KCNH1: variants seen among roughly 807,000 people sequenced by gnomAD.
KCNH1 encodes potassium voltage-gated channel subfamily H member 1, also known as voltage-gated delayed rectifier potassium channel KCNH1.
A neutral mutation model predicts 69.2 loss-of-function variants in KCNH1; 27 were observed. The observed-to-expected ratio is 0.39, with a 90% CI of 0.29 to 0.54. The LOEUF is 0.54. KCNH1 is among the 20% of genes least tolerant of loss of function. The pLI is 0.68. For missense variants in KCNH1, 798 were observed against 1,261.6 expected, an observed-to-expected ratio of 0.63 and a Z score of 5.57; for synonymous variants, 456 against 487.7, an observed-to-expected ratio of 0.93 and a Z score of 0.86.
chr1:211,041,516 T>C (rs954461805), intron 5 of KCNH1, among the ~76,000 whole-genome samples: 22 of 152,222 alleles, frequency 1.4e-4, no homozygotes, highest in African/African-American at 4.8e-4. Context: ...CACAACAGCA[T>C]GGCAGCAGCT....
chr1:210,712,576 T>C (rs917768360), intron 10 of KCNH1, among the ~76,000 whole-genome samples: 1 of 152,160 alleles, frequency 6.6e-6, no homozygotes, highest in Non-Finnish European at 1.5e-5. Context: ...AGAGTGACTT[T>C]CCTTTAATTT....
chr1:210,863,289 A>G (rs981239613), intron 7 of KCNH1, among the ~76,000 whole-genome samples: 1 of 152,202 alleles, frequency 6.6e-6, no homozygotes, highest in African/African-American at 2.4e-5. Flanking sequence ...GATTACTTTT[A>G]GCTCTGAAAA....
chr1:211,036,061 C>T (rs968655119), intron 5 of KCNH1, among the ~76,000 whole-genome samples: 1 of 152,308 alleles, frequency 6.6e-6, no homozygotes, highest in Admixed American at 6.5e-5. Context: ...GGAAAGAAGG[C>T]TTTAATCGGG....
chr1:211,006,652 A>ATGTTTT (rs1198195272), intron 6 of KCNH1, among the ~76,000 whole-genome samples: 2 of 152,188 alleles, frequency 1.3e-5, no homozygotes, highest in Non-Finnish European at 2.9e-5. Context: ...AATTCATTAA[A>ATGTTTT]AAGCATATTT....
At chr1:210,765,379 A>G (rs1388244797) in intron 10 of KCNH1, among the ~76,000 whole-genome samples, 1 of 152,216 alleles carries the variant, frequency 6.6e-6, no homozygotes, top group Non-Finnish European at 1.5e-5. Context: ...ACCTGCACAC[A>G]TACCCCCAGA....
chr1:210,999,004 A>G (rs1342044484), intron 6 of KCNH1, among the ~76,000 whole-genome samples: 2 of 152,236 alleles, frequency 1.3e-5, no homozygotes, highest in East Asian at 1.9e-4. Context: ...TCTGGGACAC[A>G]TTCAAAGCAG....
chr1:210,886,458 T>C (rs575252596), intron 7 of KCNH1, among the ~76,000 whole-genome samples: 10 of 152,220 alleles, frequency 6.6e-5, no homozygotes, highest in African/African-American at 2.4e-4. Flanking sequence ...GCAAAAAGTC[T>C]GAAAATTCCA....
chr1:210,933,682 A>G (rs1687724569), intron 6 of KCNH1, among the ~76,000 whole-genome samples: 1 of 152,178 alleles, frequency 6.6e-6, no homozygotes, highest in Non-Finnish European at 1.5e-5. Context: ...AGTAAATAAA[A>G]TCAGAAATGA....
At chr1:210,765,681 G>C (rs771910457) in intron 10 of KCNH1, among the ~76,000 whole-genome samples, 18 of 152,128 alleles carry the variant, frequency 1.2e-4, no homozygotes, top group Non-Finnish European at 2.5e-4. Context: ...GGGAAAAGGG[G>C]CTATGAAATA....
At position 210,680,070 on chromosome 1, in the gene KCNH1, T is replaced by A. The variant is rs551349660; in HGVS notation, c.*3211A>T. On this transcript the variant is annotated 3_prime_UTR_variant, in exon 11 of 11. Transcript: ENST00000271751. Reference sequence around the variant, plus strand: ...CTTGTCATGTCCAGTGGAGGAGCCCTTTGTAAGTATATGGGATGGCAGCGC... The same window carrying A: ...CTTGTCATGTCCAGTGGAGGAGCCCATTGTAAGTATATGGGATGGCAGCGC... 1.3e-5 allele frequency: 2 copies of A among 152,206 alleles called. No homozygotes were observed. Among genetic ancestry groups the A allele is most frequent in the Admixed American group, 6.5e-5 (1 of 15,288 alleles). The allele number at this position is 152,206 out of a possible 1,614,324, so 9.4% of individuals were successfully genotyped here.
intron 4 of KCNH1, 70 bp downstream of exon 4, chr1:211,090,492 G>T: frequency 1.4e-6 from 2 of 1,379,640 alleles, no homozygotes; most frequent in Non-Finnish European, 9.9e-7. Flanking sequence ...AACCTTAAAT[G>T]CTCTGTAACA....
chr1:211,076,854 A>T (rs35957403), intron 5 of KCNH1, among the ~76,000 whole-genome samples: 29,832 of 152,158 alleles, frequency 0.2, 3,154 homozygotes, highest in Non-Finnish European at 0.24. Context: ...AGGAAGCTAA[A>T]ACCTTGAAAA....
At chr1:210,927,828 C>A (rs189629724) in intron 6 of KCNH1, among the ~76,000 whole-genome samples, 8 of 152,028 alleles carry the variant, frequency 5.3e-5, no homozygotes, top group Admixed American at 3.9e-4. Context: ...ACCTAACACA[C>A]AGGGCCTCAC....
chr1:210,719,519 G>A (rs913682254), intron 10 of KCNH1, among the ~76,000 whole-genome samples: 2 of 152,112 alleles, frequency 1.3e-5, no homozygotes, highest in African/African-American at 4.8e-5. Context: ...CACAGGGAGG[G>A]TAGCATCACA....
chr1:210,884,263 A>G (rs1463991209), intron 7 of KCNH1, among the ~76,000 whole-genome samples: 6 of 152,144 alleles, frequency 3.9e-5, no homozygotes, highest in Admixed American at 6.5e-5. Context: ...AAGTCCAACA[A>G]TGTGGTATCT....
chr1:211,127,727 T>A (rs1427589677), intron 1 of KCNH1, among the ~76,000 whole-genome samples: 1 of 152,148 alleles, frequency 6.6e-6, no homozygotes, highest in Non-Finnish European at 1.5e-5. Context: ...CTGGCAAGGA[T>A]GTGCTGCAGT....
At chr1:211,000,426 G>T (rs1365595712) in intron 6 of KCNH1, among the ~76,000 whole-genome samples, 5 of 152,100 alleles carry the variant, frequency 3.3e-5, no homozygotes, top group Non-Finnish European at 7.3e-5. Context: ...GCTTCAAAGA[G>T]AATAAAATAC....
chr1:210,696,812 G>A (rs1216765215), intron 10 of KCNH1, among the ~76,000 whole-genome samples: 1 of 152,212 alleles, frequency 6.6e-6, no homozygotes, highest in African/African-American at 2.4e-5. Context: ...TCAGAGAACA[G>A]CCTGCATAGA....
intron 10 of KCNH1, among the ~76,000 whole-genome samples, chr1:210,770,624 G>T (rs1239913307): frequency 1.3e-5 from 2 of 152,224 alleles, no homozygotes; most frequent in African/African-American, 4.8e-5. Flanking sequence ...ATCACATCCA[G>T]CTACTTGCTG....
Sources: gnomAD v4.1 joint callset for allele counts (sites outside exome capture counted in the v4.1 genomes callset) on GRCh38, gnomAD v4.1.1 for gene constraint, MANE v1.5 for transcripts, NCBI Gene and HGNC (gene_info 2026-07-23, HGNC 2026-07-21) for gene names.